Variants in STARD9 observed in about 807,000 individuals in gnomAD.
The protein encoded by STARD9 is stAR-related lipid transfer protein 9.
In STARD9, 346 loss-of-function variants were observed where a neutral mutation model predicts 399.8. That is an observed-to-expected ratio of 0.87 (90% CI 0.79 to 0.95). The LOEUF (loss-of-function observed/expected upper bound fraction) is 0.95. Ranked by LOEUF, STARD9 falls within the 40% of genes least tolerant of loss-of-function variation. The pLI, the probability that STARD9 is intolerant of heterozygous loss-of-function variation, is 0.00. For missense variants in STARD9, 5,832 were observed against 5,667.5 expected (o/e 1.03, Z -0.93); for synonymous variants, 2,203 against 2,143.5 (o/e 1.03, Z -0.77).
chr15:42,638,858 G>T, intron 7 of STARD9, 46 bp downstream of exon 7: 2 of 1,177,566 alleles, frequency 1.7e-6, no homozygotes, highest in East Asian at 2.6e-5. Context: ...CTGAAGCCTG[G>T]GAAGCTCTCC....
intron 13 of STARD9, among the ~76,000 whole-genome samples, chr15:42,664,689 A>G (rs994480098): frequency 1.3e-5 from 2 of 152,012 alleles, no homozygotes; most frequent in African/African-American, 4.8e-5. Flanking sequence ...TTTTTTATGC[A>G]AGTAGTCTGT....
chr15:42,640,842 CTG>C (rs1469015688), intron 7 of STARD9, among the ~76,000 whole-genome samples: 1 of 102,108 alleles, frequency 9.8e-6, no homozygotes, highest in African/African-American at 3.5e-5. Context: ...AAAAAAAAGT[CTG>C]TGTGTGTATG....
chr15:42,624,216 G>T (rs1029695437), intron 3 of STARD9, among the ~76,000 whole-genome samples: 1 of 152,130 alleles, frequency 6.6e-6, no homozygotes, highest in Non-Finnish European at 1.5e-5. Context: ...TGTGAGTGGA[G>T]CTATAGTATG....
rs1441976865 is a variant in STARD9 at position 42,692,534 on chromosome 15, C to G, written c.10956C>G (p.Ser3652Arg). ...CCCTCGGCAGCAGGCGCCACTGGAG[C>G]AGCACTGACATCTCCTTTGCTCAGC... is the stretch of plus-strand genomic sequence containing the variant. Reference protein sequence around the residue: ...TQTLGSRRHWSSTDISFAQPE... With the variant: ...TQTLGSRRHWRSTDISFAQPE... The change falls in exon 23 of 33, where the codon AGC (serine) becomes AGG (arginine). Residue 3652 changes from serine (S) to arginine (R), a missense_variant. Coordinates refer to ENST00000290607, the MANE Select transcript of STARD9 (RefSeq NM_020759.3). 1 of 1,537,078 alleles carries G rather than the reference C, an allele frequency of 6.5e-7. No individual in the cohort carries two copies. Among genetic ancestry groups the G allele is most frequent in the African/African-American group, 1.4e-5 (1 of 73,066 alleles).
chr15:42,616,808 A>G (rs535717612), intron 3 of STARD9, among the ~76,000 whole-genome samples: 247 of 150,608 alleles, frequency 1.6e-3, no homozygotes, highest in Non-Finnish European at 3.0e-3. Flanking sequence ...GGAGAATGGC[A>G]CGAACCCAGG....
In STARD9 at chr15:42,693,334, C is replaced by T; in HGVS notation, c.11756C>T (p.Thr3919Ile). Residue 3919 changes from threonine (T) to isoleucine (I), a missense_variant, in exon 23 of 33, where the codon ACC becomes ATC. Thr to Ile is a moderately conservative substitution (Grantham distance 89). Coordinates refer to ENST00000290607, the MANE Select transcript of STARD9 (RefSeq NM_020759.3). ...CCGGGTCTTTCCCCAGGCTCTTTGA[C>T]CCTCTCAGCCCCTTCAACTCACCCT... ...QEPGLSPGSL[T>I]LSAPSTHPVE... 6.5e-7 allele frequency: 1 copy of T among 1,537,148 alleles called. No homozygotes were observed. Among genetic ancestry groups the T allele is most frequent in the Non-Finnish European group, 8.7e-7 (1 of 1,146,918 alleles).
chr15:42,626,249 T>A (rs1048637722), intron 3 of STARD9, among the ~76,000 whole-genome samples: 14 of 134,896 alleles, frequency 1.0e-4, no homozygotes, highest in African/African-American at 4.5e-4. Flanking sequence ...CTTCTTCTTC[T>A]TCCTCTTCCT....
intron 3 of STARD9, among the ~76,000 whole-genome samples, chr15:42,588,660 C>T (rs1486197449): frequency 6.6e-6 from 1 of 151,950 alleles, no homozygotes; most frequent in African/African-American, 2.4e-5. Flanking sequence ...AGGTTTAACC[C>T]TAATCACTAT....
Position 42,682,280 on chromosome 15 carries a change from C to T in STARD9, c.2242C>T (p.Leu748=), listed in dbSNP as rs1228196141. Residue 748 remains leucine, a synonymous_variant, in exon 22 of 33, where the codon CTG becomes TTG. Transcript: ENST00000290607. ...FVQSQKRVVH[L]QLLRRHTLRA... ...CCAAAGTCAGAAAAGGGTGGTGCACCTGCAGCTCCTGCGGAGACACACTCT... is the reference window on the plus strand; with the variant it reads ...CCAAAGTCAGAAAAGGGTGGTGCACTTGCAGCTCCTGCGGAGACACACTCT... 6.5e-7 allele frequency: 1 copy of T among 1,537,244 alleles called. No individual in the cohort carries two copies. The highest frequency in any genetic ancestry group is 2.4e-5 in the East Asian group (1 of 40,920).
At chr15:42,643,217 G>A (rs1452408174) in intron 7 of STARD9, among the ~76,000 whole-genome samples, 2 of 151,870 alleles carry the variant, frequency 1.3e-5, no homozygotes, top group Non-Finnish European at 2.9e-5. Context: ...GTTTTTTTGA[G>A]ACGGAGTCTT....
intron 15 of STARD9, among the ~76,000 whole-genome samples, 200 bp downstream of exon 15, chr15:42,666,048 G>A (rs2060095601): frequency 6.6e-6 from 1 of 152,198 alleles, no homozygotes; most frequent in Non-Finnish European, 1.5e-5. Flanking sequence ...TTTCTGTATT[G>A]TTCTCTCAGG....
intron 3 of STARD9, among the ~76,000 whole-genome samples, chr15:42,610,173 C>T (rs1179645196): frequency 2.6e-5 from 4 of 152,114 alleles, no homozygotes; most frequent in African/African-American, 9.7e-5. Context: ...GCAGCATAAC[C>T]ATTGCTTTAT....
chr15:42,651,991 T>A (rs1188879037), intron 8 of STARD9, among the ~76,000 whole-genome samples: 1 of 152,226 alleles, frequency 6.6e-6, no homozygotes, highest in Non-Finnish European at 1.5e-5. Flanking sequence ...CCGCCTGGCT[T>A]AAGCATGATA....
chr15:42,685,626 C>A lies in STARD9; in HGVS notation c.4048C>A (p.Pro1350Thr), dbSNP rs904841103. ...SCDSKINPSS[P>T]PGIVGSLCPS... ...TGACTCTAAGATCAACCCCAGCAGC[C>A]CCCCAGGAATAGTGGGTTCTTTATG... Residue 1350 changes from proline to threonine, a missense_variant, in exon 23 of 33, where the codon CCC becomes ACC. Pro to Thr is a conservative substitution (Grantham distance 38). Around this residue, in one of 2 missense-constraint regions of STARD9, gnomAD observed 5,828 missense variants for 5,651.1 expected, o/e 1.03. Transcript: ENST00000290607. 3.3e-6 allele frequency: 5 copies of A among 1,537,378 alleles called. No individual in the cohort carries two copies. Among genetic ancestry groups the A allele is most frequent in the South Asian group, 1.2e-5 (1 of 84,060 alleles).
At chr15:42,621,070 G>A (rs2059083111) in intron 3 of STARD9, among the ~76,000 whole-genome samples, 1 of 152,086 alleles carries the variant, frequency 6.6e-6, no homozygotes, top group Admixed American at 6.6e-5. Flanking sequence ...CCTTAATTTG[G>A]ATTGTCCAGT....
At position 42,695,892 on chromosome 15, in the gene STARD9, G is replaced by A. The variant is rs1011531213; in HGVS notation, c.13284+12G>A. The A allele has an allele frequency of 1.0e-5, 16 of 1,536,116 alleles. No individual in the cohort carries two copies. In the Admixed American group the frequency reaches 3.1e-4, roughly 30 times the overall value. On this transcript the variant is annotated intron_variant, in intron 26 of 32. Transcript: ENST00000290607. ...TCCCAGAGAATATGGTGAGTAGGCAGATGTTGGGAATGAGCCAGGGGCCTG... is the reference window on the plus strand; with the variant it reads ...TCCCAGAGAATATGGTGAGTAGGCAAATGTTGGGAATGAGCCAGGGGCCTG...
chr15:42,606,843 T>A (rs2058734467), intron 3 of STARD9, among the ~76,000 whole-genome samples: 1 of 152,076 alleles, frequency 6.6e-6, no homozygotes, highest in South Asian at 2.1e-4. Flanking sequence ...TGAGTAGACC[T>A]AACTGACCCA....
In STARD9 at chr15:42,684,862, A is replaced by T. The variant is rs1457232079; in HGVS notation, c.3284A>T (p.Glu1095Val). 27 of 1,537,034 alleles carry T rather than the reference A, an allele frequency of 1.8e-5. No homozygotes were observed. Among genetic ancestry groups the T allele is most frequent in the African/African-American group, 2.7e-5 (2 of 73,056 alleles). The change falls in exon 23 of 33, where the codon GAA becomes GTA. Residue 1095 changes from glutamate to valine, a missense_variant. Glu to Val is a moderately radical substitution (Grantham distance 121). Transcript: ENST00000290607. ...DFSPVMDHSREKDNDLSDTDS... is the reference protein window; with the variant it reads ...DFSPVMDHSRVKDNDLSDTDS... ...AGCCCAGTAATGGATCATTCAAGAG[A>T]AAAAGACAATGATTTATCTGACACA...
At position 42,693,631 on chromosome 15, in the gene STARD9, C is replaced by T. The variant is rs1012195339; in HGVS notation, c.12053C>T (p.Pro4018Leu). 9 of 1,537,158 alleles carry T rather than the reference C, an allele frequency of 5.9e-6. No individual in the cohort carries two copies. The highest frequency in any genetic ancestry group is 2.7e-5 in the African/African-American group (2 of 73,068). The change falls in exon 23 of 33, where the codon CCA (proline) becomes CTA (leucine). Residue 4018 changes from proline (P) to leucine (L), a missense_variant. By Grantham distance (98) the Pro-to-Leu change is moderately conservative (BLOSUM62 -3). Around this residue, in one of 2 missense-constraint regions of STARD9, gnomAD observed 5,828 missense variants for 5,651.1 expected, o/e 1.03. Transcript: ENST00000290607. ...TIGVQSRLLP[P>L]PLRHRSQRLG... is the part of the protein sequence containing the mutation. ...GGGGTCCAAAGCAGACTGCTGCCACCACCACTGAGGCACAGGAGCCAAAGG... is the reference window on the plus strand; with the variant it reads ...GGGGTCCAAAGCAGACTGCTGCCACTACCACTGAGGCACAGGAGCCAAAGG...
Sources: gnomAD v4.1 joint callset for allele counts (sites outside exome capture counted in the v4.1 genomes callset) on GRCh38, gnomAD v4.1.1 for gene constraint, gnomAD v4.1.1 regional missense constraint, MANE v1.5 for transcripts, NCBI Gene and HGNC (gene_info 2026-07-23, HGNC 2026-07-21) for gene names.